SGCZ: variants seen among roughly 807,000 people sequenced by gnomAD.
SGCZ encodes the protein zeta-sarcoglycan.
In SGCZ, 40 loss-of-function variants were observed where a neutral mutation model predicts 41.3. That is an observed-to-expected ratio of 0.97 (90% CI 0.75 to 1.26). SGCZ has a LOEUF of 1.26. Ranked by LOEUF, SGCZ falls within the 50% of genes most tolerant of loss-of-function variation. SGCZ has a pLI of 0.00. For missense variants in SGCZ, 552 were observed against 369.8 expected, an observed-to-expected ratio of 1.49 and a Z score of -4.04; for synonymous variants, 206 against 137.5, an observed-to-expected ratio of 1.50 and a Z score of -3.49.
intron 5 of SGCZ, among the ~76,000 whole-genome samples, chr8:14,127,707 C>T (rs1489190987): frequency 6.6e-6 from 1 of 152,188 alleles, no homozygotes; most frequent in Admixed American, 6.5e-5. Context: ...CCACACGCCT[C>T]AGCCTCCCAA....
At chr8:15,132,487 C>A (rs768497099) in intron 1 of SGCZ, among the ~76,000 whole-genome samples, 1 of 152,104 alleles carries the variant, frequency 6.6e-6, no homozygotes, top group South Asian at 2.1e-4. Context: ...TGCATGAAAA[C>A]CAGTGGAAGG....
At chr8:15,085,333 G>T (rs1043693184) in intron 1 of SGCZ, among the ~76,000 whole-genome samples, 1 of 152,150 alleles carries the variant, frequency 6.6e-6, no homozygotes, top group African/African-American at 2.4e-5. Context: ...TTGACTTACA[G>T]AAAGGGGCAA....
At chr8:14,932,570 T>C (rs955987754) in intron 1 of SGCZ, among the ~76,000 whole-genome samples, 4 of 152,006 alleles carry the variant, frequency 2.6e-5, no homozygotes, top group Admixed American at 2.6e-4. Context: ...CTCTAGCTAC[T>C]GAAATTATAA....
chr8:14,975,986 GTATATATATATATACATA>G (rs1177307265), intron 1 of SGCZ, among the ~76,000 whole-genome samples: 108 of 113,792 alleles, frequency 9.5e-4, no homozygotes, highest in African/African-American at 3.0e-3. Flanking sequence ...GTGTATGTGT[GTATATATATATATACATA>G]TATATATATA....
chr8:14,124,739 T>C (rs946232631), intron 5 of SGCZ, among the ~76,000 whole-genome samples: 1 of 152,180 alleles, frequency 6.6e-6, no homozygotes, highest in African/African-American at 2.4e-5. Flanking sequence ...TGCTCATTCT[T>C]ATTCACTTCT....
At chr8:14,586,770 A>C (rs1004197099) in intron 1 of SGCZ, among the ~76,000 whole-genome samples, 1 of 152,166 alleles carries the variant, frequency 6.6e-6, no homozygotes, top group Non-Finnish European at 1.5e-5. Context: ...CTACGTTTTA[A>C]GCATTATGCA....
intron 1 of SGCZ, among the ~76,000 whole-genome samples, chr8:15,030,732 C>A (rs976827299): frequency 3.3e-5 from 5 of 152,118 alleles, no homozygotes; most frequent in Admixed American, 6.6e-5. Flanking sequence ...AACTTACTAA[C>A]TCATGATTTC....
chr8:14,367,820 A>G (rs939952496), intron 2 of SGCZ, among the ~76,000 whole-genome samples: 1 of 152,082 alleles, frequency 6.6e-6, no homozygotes, highest in Non-Finnish European at 1.5e-5. Context: ...AGACACACTA[A>G]TCATGTCATT....
intron 2 of SGCZ, among the ~76,000 whole-genome samples, chr8:14,485,605 A>G (rs1447614504): frequency 6.6e-6 from 1 of 152,128 alleles, no homozygotes; most frequent in Non-Finnish European, 1.5e-5. Flanking sequence ...CTGTGCTTCC[A>G]GATTCTCCCT....
chr8:14,180,834 G>A (rs951211158), intron 4 of SGCZ, among the ~76,000 whole-genome samples: 3 of 151,868 alleles, frequency 2.0e-5, no homozygotes, highest in African/African-American at 7.3e-5. Flanking sequence ...CGATGGCTAT[G>A]TGAACCTGAA....
At chr8:15,229,868 C>T (rs1296899932) in intron 1 of SGCZ, among the ~76,000 whole-genome samples, 2 of 152,102 alleles carry the variant, frequency 1.3e-5, no homozygotes, top group African/African-American at 4.8e-5. Context: ...AGGTAGATAA[C>T]ATGTATTTTT....
At chr8:14,801,256 T>C (rs541033891) in intron 1 of SGCZ, among the ~76,000 whole-genome samples, 4 of 152,198 alleles carry the variant, frequency 2.6e-5, no homozygotes, top group Admixed American at 6.5e-5. Flanking sequence ...TATGGGTTGG[T>C]CATTACATCA....
chr8:14,542,447 C>T (rs1350738538), intron 2 of SGCZ, among the ~76,000 whole-genome samples: 2 of 151,946 alleles, frequency 1.3e-5, no homozygotes, highest in Non-Finnish European at 2.9e-5. Flanking sequence ...GGAAAAGGAA[C>T]AGAGAAACAA....
At chr8:14,581,513 A>G (rs1804888517) in intron 1 of SGCZ, among the ~76,000 whole-genome samples, 1 of 151,976 alleles carries the variant, frequency 6.6e-6, no homozygotes, top group Non-Finnish European at 1.5e-5. Flanking sequence ...TAGAGTCTAA[A>G]TGAAGAATAA....
At chr8:14,768,619 A>T (rs556703604) in intron 1 of SGCZ, among the ~76,000 whole-genome samples, 61 of 152,286 alleles carry the variant, frequency 4.0e-4, no homozygotes, top group Non-Finnish European at 2.5e-4. Flanking sequence ...CTTCCCCATC[A>T]GGATCCAGAA....
At chr8:14,523,580 T>A (rs188901539) in intron 2 of SGCZ, among the ~76,000 whole-genome samples, 1 of 152,068 alleles carries the variant, frequency 6.6e-6, no homozygotes, top group Non-Finnish European at 1.5e-5. Flanking sequence ...TTCCCTCTTA[T>A]TGCTTTTATA....
rs1045411264 is a variant in SGCZ, at chr8:14,538,174, C to T, written c.234+16558G>A. Among the ~76,000 whole-genome samples, 8 of 151,916 alleles carry T rather than the reference C, an allele frequency of 5.3e-5. No homozygotes were observed. In the South Asian group the frequency reaches 8.3e-4, roughly 16 times the overall value. On this transcript the variant is annotated intron_variant, in intron 2 of 7. Coordinates refer to ENST00000382080, the MANE Select transcript of SGCZ (RefSeq NM_139167.4). ...AATTATAATTATTGAAACATGTCAG[C>T]TTGTCCCCATCCTACATTTGTATTT...
chr8:14,240,107 A>C (rs1271847526), intron 3 of SGCZ, among the ~76,000 whole-genome samples: 1 of 151,716 alleles, frequency 6.6e-6, no homozygotes, highest in East Asian at 1.9e-4. Flanking sequence ...TGGGAGGATC[A>C]CCTGAGGCCA....
chr8:14,790,021 A>T (rs1800897147), intron 1 of SGCZ, among the ~76,000 whole-genome samples: 1 of 152,220 alleles, frequency 6.6e-6, no homozygotes, highest in Admixed American at 6.5e-5. Context: ...TAATAAATGT[A>T]AATTGAATAC....
Sources: gnomAD v4.1 joint callset for allele counts (sites outside exome capture counted in the v4.1 genomes callset) on GRCh38, gnomAD v4.1.1 for gene constraint, MANE v1.5 for transcripts, NCBI Gene and HGNC (gene_info 2026-07-23, HGNC 2026-07-21) for gene names.